CPAMD8: variants seen among roughly 807,000 people sequenced by gnomAD.
CPAMD8 encodes C3 and PZP-like alpha-2-macroglobulin domain-containing protein 8.
A neutral mutation model predicts 224.7 loss-of-function variants in CPAMD8; 146 were observed. The ratio of observed to expected loss-of-function variants is 0.65; its 90% CI spans 0.57 to 0.75. CPAMD8 has a LOEUF of 0.75. Among genes scored for constraint, CPAMD8 ranks in the 30% least tolerant of loss-of-function variants. The probability of loss-of-function intolerance (pLI) is 0.00; values close to 1 mark genes in which losing one functional copy is unlikely to be tolerated. For missense variants in CPAMD8, 2,301 were observed against 2,537.5 expected (o/e 0.91, Z 2.00); for synonymous variants, 966 against 1,044.6 (o/e 0.92, Z 1.45).
intron 25 of CPAMD8, 121 bp downstream of exon 25, chr19:16,927,888 G>T: frequency 1.4e-6 from 1 of 725,146 alleles, no homozygotes; most frequent in African/African-American, 1.7e-5. Flanking sequence ...GTGAGTGGGT[G>T]TATGGGTGGA....
chr19:16,972,558 C>T (rs1408338111), intron 17 of CPAMD8, among the ~76,000 whole-genome samples: 1 of 151,960 alleles, frequency 6.6e-6, no homozygotes, highest in Admixed American at 6.6e-5. Context: ...CCTCATTCTC[C>T]TGAGTAGCTG....
intron 25 of CPAMD8, among the ~76,000 whole-genome samples, chr19:16,926,780 G>A (rs772424423): frequency 2.6e-5 from 4 of 152,004 alleles, no homozygotes; most frequent in East Asian, 1.9e-4. Context: ...CCCAGACGTC[G>A]CCTCCTCTCC....
chr19:16,942,249 G>A (rs1377965726), intron 22 of CPAMD8, among the ~76,000 whole-genome samples: 2 of 152,102 alleles, frequency 1.3e-5, no homozygotes, highest in Non-Finnish European at 2.9e-5. Flanking sequence ...GTCACCTGAG[G>A]TCAGGCGTTC....
chr19:16,946,992 C>G, intron 21 of CPAMD8, 82 bp downstream of exon 21: 1 of 1,429,364 alleles, frequency 7.0e-7, no homozygotes, highest in Non-Finnish European at 9.5e-7. Flanking sequence ...CCCATCCACC[C>G]CTCATCCCCA....
In CPAMD8 at chr19:16,893,370, T is replaced by G. The variant is rs964756721; in HGVS notation, c.5427-31A>C. 5.6e-6 allele frequency: 8 copies of G among 1,433,280 alleles called. No homozygotes were observed. The Admixed American group carries it at 1.7e-4, about 31-fold the overall frequency. 88.8% of individuals were successfully genotyped at this position (1,433,280 alleles called of 1,614,324 possible). On this transcript the variant is annotated intron_variant, in intron 41 of 41. Transcript: ENST00000443236. The stretch of plus-strand genomic sequence containing the variant: ...GATGAGGTTTTATCTTACAACATCC[T>G]CTACAGCAAGTGGGCACGGGGCCTC...
At chr19:16,924,595 T>C (rs2144923274) in intron 26 of CPAMD8, among the ~76,000 whole-genome samples, 1 of 152,300 alleles carries the variant, frequency 6.6e-6, no homozygotes, top group East Asian at 1.9e-4. Context: ...TTTTTTATTT[T>C]TTACAGTTGG....
chr19:16,947,275 C>T (rs374543816), intron 20 of CPAMD8, 48 bp from the exon 21 acceptor site: 323 of 1,575,272 alleles, frequency 2.1e-4, no homozygotes, highest in Non-Finnish European at 2.6e-4. Context: ...CAGACCCCCT[C>T]CCAGTGCCTG....
chr19:16,967,889 ACATG>A (rs1279929616), intron 18 of CPAMD8, among the ~76,000 whole-genome samples: 4 of 89,556 alleles, frequency 4.5e-5, no homozygotes, highest in African/African-American at 1.9e-4. Context: ...ATATACACAC[ACATG>A]TGTGTGTATA....
intron 10 of CPAMD8, chr19:17,000,192 A>T (rs1386861416): frequency 2.2e-5 from 6 of 267,818 alleles, no homozygotes; most frequent in Non-Finnish European, 3.9e-5. Context: ...GGTGGCTCAC[A>T]CTTGTCATCC....
At chr19:16,937,614 T>A (rs1343741781) in intron 23 of CPAMD8, among the ~76,000 whole-genome samples, 1 of 150,934 alleles carries the variant, frequency 6.6e-6, no homozygotes, top group Non-Finnish European at 1.5e-5. Context: ...TAGCTGGGAT[T>A]ACAGGCACAC....
rs182442244 is a variant in CPAMD8 at position 17,024,600 on chromosome 19, T to C, written c.92+1951A>G. On this transcript the variant is annotated intron_variant, in intron 1 of 41. Transcript: ENST00000443236. ...TGGTCACCTTTGAAACTCCTGACAA[T>C]ACGGGTTCAAGTCTTCATCCAACTG... Among the ~76,000 whole-genome samples the C allele has an allele frequency of 7.9e-5, 12 of 152,286 alleles. No homozygotes were observed. In the East Asian group the frequency reaches 2.3e-3, roughly 29 times the overall value.
At chr19:16,949,054 G>GA (rs2054216410) in intron 20 of CPAMD8, among the ~76,000 whole-genome samples, 3 of 138,734 alleles carry the variant, frequency 2.2e-5, no homozygotes, top group African/African-American at 8.2e-5. Context: ...GGACGGGAGG[G>GA]GGGGAGGGAG....
At position 16,938,611 on chromosome 19, in the gene CPAMD8, C is replaced by T. The variant is rs79302471; in HGVS notation, c.2794-165G>A. Among the ~76,000 whole-genome samples, 296 of 152,282 alleles carry T rather than the reference C, an allele frequency of 1.9e-3. 1 individual carries two copies. Among genetic ancestry groups the T allele is most frequent in the Non-Finnish European group, 3.3e-3 (222 of 68,026 alleles). ...CACGGTCACACCAAGATCACAGGTG[C>T]GTGGAGCAGGACAGGGCCACCCACT... On this transcript the variant is annotated intron_variant, in intron 22 of 41. Coordinates refer to ENST00000443236, the MANE Select transcript of CPAMD8 (RefSeq NM_015692.5).
chr19:16,896,770 C>T (rs1177452328), intron 39 of CPAMD8, 105 bp from the exon 40 acceptor site: 15 of 783,496 alleles, frequency 1.9e-5, no homozygotes, highest in Admixed American at 4.0e-5. Context: ...GGCCCACTAC[C>T]CCCTCGGTGG....
intron 9 of CPAMD8, among the ~76,000 whole-genome samples, chr19:17,001,389 T>C (rs1329493667): frequency 7.8e-6 from 1 of 128,502 alleles, no homozygotes; most frequent in Non-Finnish European, 1.7e-5. Flanking sequence ...GGGGGTGCTG[T>C]TGGATGCCAG....
At position 16,912,855 on chromosome 19, in the gene CPAMD8, G is replaced by C. The variant is rs575441355; in HGVS notation, c.3861+1569C>G. On this transcript the variant is annotated intron_variant, in intron 29 of 41. Coordinates refer to ENST00000443236, the MANE Select transcript of CPAMD8 (RefSeq NM_015692.5). The stretch of plus-strand genomic sequence containing the variant: ...AGAAGATTGGAAAGCTTCCAGAGGA[G>C]AGAACAAACGAGATACAAAGGATAG... Among the ~76,000 whole-genome samples the C allele has an allele frequency of 2.6e-5, 4 of 152,226 alleles. 1 individual carries two copies. In the Middle Eastern group the frequency reaches 0.01, roughly 388 times the overall value.
At chr19:16,902,978 G>A (rs1748948558) in intron 34 of CPAMD8, 115 bp from the exon 35 acceptor site, 2 of 638,538 alleles carry the variant, frequency 3.1e-6, no homozygotes, top group African/African-American at 1.8e-5. Context: ...TGAGGACAAT[G>A]ACATCCATGA....
chr19:16,972,263 A>C (rs1323178200), intron 17 of CPAMD8, among the ~76,000 whole-genome samples: 1 of 152,084 alleles, frequency 6.6e-6, no homozygotes, highest in Non-Finnish European at 1.5e-5. Context: ...TCCCAGGCTC[A>C]AGTGATCCTC....
intron 25 of CPAMD8, among the ~76,000 whole-genome samples, chr19:16,927,457 G>T (rs556145465): frequency 1.3e-5 from 2 of 152,124 alleles, no homozygotes; most frequent in South Asian, 4.2e-4. Flanking sequence ...TCTTGGGTAT[G>T]TCTTTATCAG....
Sources: gnomAD v4.1 joint callset for allele counts (sites outside exome capture counted in the v4.1 genomes callset) on GRCh38, gnomAD v4.1.1 for gene constraint, MANE v1.5 for transcripts, NCBI Gene and HGNC (gene_info 2026-07-23, HGNC 2026-07-21) for gene names.